Variants in KIF14 observed in about 807,000 individuals in gnomAD.
KIF14 encodes the protein kinesin-like protein KIF14.
A neutral mutation model predicts 176.2 loss-of-function variants in KIF14; 98 were observed. That is an observed-to-expected ratio of 0.56 (90% CI 0.47 to 0.66). The LOEUF is 0.66. Among genes scored for constraint, KIF14 ranks in the 30% least tolerant of loss-of-function variants. The pLI is 0.00. For synonymous variants in KIF14, 566 were observed against 632.2 expected (o/e 0.90, Z 1.57); for missense variants, 1,751 against 1,920.4 (o/e 0.91, Z 1.65).
rs377356294 is a variant in KIF14 at position 200,600,552 on chromosome 1, A to G, written c.2153-49T>C. ...TTAATAATAACATTTAATATATAACAATTTCCACAGTAAGCATAATCCTCC... is the reference window on the plus strand; with the variant it reads ...TTAATAATAACATTTAATATATAACGATTTCCACAGTAAGCATAATCCTCC... On this transcript the variant is annotated intron_variant, in intron 11 of 29. Coordinates refer to ENST00000367350, the MANE Select transcript of KIF14 (RefSeq NM_014875.3). 2.3e-6 allele frequency: 3 copies of G among 1,302,076 alleles called. No individual in the cohort carries two copies. The African/African-American group carries it at 4.4e-5, about 19-fold the overall frequency. The allele number at this position is 1,302,076 out of a possible 1,614,324, so 80.7% of individuals were successfully genotyped here.
intron 27 of KIF14, among the ~76,000 whole-genome samples, chr1:200,556,976 C>A (rs1464454114): frequency 6.6e-6 from 1 of 152,068 alleles, no homozygotes; most frequent in Non-Finnish European, 1.5e-5. Flanking sequence ...AATTTAGTAA[C>A]AATGTGTTTT....
chr1:200,560,395 C>T (rs1042589153), intron 26 of KIF14, among the ~76,000 whole-genome samples: 5 of 152,132 alleles, frequency 3.3e-5, no homozygotes, highest in African/African-American at 1.2e-4. Flanking sequence ...CCTCAGCCTC[C>T]TGAGTAGCTG....
rs552946210 is a variant in KIF14, at chr1:200,556,198, T to C, written c.4354-744A>G. Reference sequence around the variant, plus strand: ...TTTTATTCTATCCAATGCTGCCCCCTAAGGTGCTTTCCTGCTCAATTTCTG... The same window carrying C: ...TTTTATTCTATCCAATGCTGCCCCCCAAGGTGCTTTCCTGCTCAATTTCTG... On this transcript the variant is annotated intron_variant, in intron 27 of 29. Transcript: ENST00000367350. Among the ~76,000 whole-genome samples, 3 of 152,266 alleles carry C rather than the reference T, an allele frequency of 2.0e-5. No individual in the cohort carries two copies. In the East Asian group the frequency reaches 5.8e-4, roughly 29 times the overall value.
chr1:200,573,952 A>G (rs1480510167), intron 22 of KIF14, among the ~76,000 whole-genome samples: 1 of 152,212 alleles, frequency 6.6e-6, no homozygotes, highest in Non-Finnish European at 1.5e-5. Flanking sequence ...CATAGCAGTT[A>G]AGAAAATCAG....
At chr1:200,610,796 GA>G (rs1337765885) in intron 4 of KIF14, among the ~76,000 whole-genome samples, 2 of 152,032 alleles carry the variant, frequency 1.3e-5, no homozygotes, top group Non-Finnish European at 2.9e-5. Flanking sequence ...TGACTAATCA[GA>G]AAAGGGAAAA....
At position 200,565,596 on chromosome 1, in the gene KIF14, C is replaced by A. The variant is rs537496899; in HGVS notation, c.3735G>T (p.Leu1245Phe). 1.2e-6 allele frequency: 2 copies of A among 1,612,018 alleles called. No individual in the cohort carries two copies. The highest frequency in any genetic ancestry group is 2.2e-5 in the South Asian group (2 of 90,500). The change falls in exon 24 of 30, where the codon TTG becomes TTT. Residue 1245 changes from leucine (L) to phenylalanine (F), a missense_variant. Transcript: ENST00000367350. ...CAAAAAAATCTAACGAAGAACCAAT[C>A]AATTCTTTGCAAATTCCAGGAAGAA... The part of the protein sequence containing the change: ...ESFLPGICKE[L>F]IGSSLDFFGQ...
chr1:200,571,801 C>T (rs1018541363), intron 22 of KIF14, among the ~76,000 whole-genome samples: 1 of 152,134 alleles, frequency 6.6e-6, no homozygotes, highest in Non-Finnish European at 1.5e-5. Context: ...ATTATTACAG[C>T]AAGTCTAAAC....
chr1:200,574,180 G>C (rs1255738322), intron 22 of KIF14, among the ~76,000 whole-genome samples: 1 of 152,180 alleles, frequency 6.6e-6, no homozygotes, highest in East Asian at 1.9e-4. Flanking sequence ...TGATGCTTCT[G>C]CTGACAGATA....
intron 21 of KIF14, among the ~76,000 whole-genome samples, chr1:200,577,497 T>C (rs946158633): frequency 6.6e-6 from 1 of 151,964 alleles, no homozygotes; most frequent in African/African-American, 2.4e-5. Flanking sequence ...GCTGTGTTGA[T>C]ATTAAGATTG....
chr1:200,554,488 A>C lies in KIF14; in HGVS notation c.4547T>G (p.Ile1516Ser), dbSNP rs1420141194. Residue 1516 changes from isoleucine (I) to serine (S), a missense_variant, in exon 29 of 30, where the codon ATT becomes AGT. Transcript: ENST00000367350. ...CATACCTTTCAGTGCAGAAATAATA[A>C]TTTCAATAGCTTTCTCTAAGCAATG... is the stretch of plus-strand genomic sequence containing the variant. ...LKHCLEKAIE[I>S]IISALKGCHS... The C allele has an allele frequency of 6.5e-7, 1 of 1,533,108 alleles. No individual in the cohort carries two copies. Among genetic ancestry groups the C allele is most frequent in the Admixed American group, 1.7e-5 (1 of 57,990 alleles). 95.0% of individuals were successfully genotyped at this position (1,533,108 alleles called of 1,614,324 possible).
rs577527040 is a variant in KIF14 at position 200,567,159 on chromosome 1, G to A, written c.3662-1490C>T. On this transcript the variant is annotated intron_variant, in intron 23 of 29. Coordinates refer to ENST00000367350, the MANE Select transcript of KIF14 (RefSeq NM_014875.3). ...GCACTCCAGCCTGGGCAAAAAGAGCGAAACTCTGTCCTCAAAAAAAAAAAA... is the reference window on the plus strand; with the variant it reads ...GCACTCCAGCCTGGGCAAAAAGAGCAAAACTCTGTCCTCAAAAAAAAAAAA... 2.3e-4 allele frequency among the ~76,000 whole-genome samples: 33 copies of A among 141,792 alleles called. No individual in the cohort carries two copies. In the South Asian group the frequency reaches 6.4e-3, roughly 27 times the overall value. The allele number at this position is 141,792 out of a possible 152,430, so 93.0% of individuals were successfully genotyped here.
chr1:200,581,358 C>T, intron 19 of KIF14, 64 bp from the exon 20 acceptor site: 1 of 765,786 alleles, frequency 1.3e-6, no homozygotes, highest in South Asian at 2.2e-5. Flanking sequence ...TACCATTAGG[C>T]AAAACAATTC....
intron 22 of KIF14, among the ~76,000 whole-genome samples, chr1:200,571,399 G>A (rs1657783370): frequency 1.3e-5 from 2 of 150,098 alleles, no homozygotes; most frequent in Admixed American, 1.3e-4. Context: ...CTTTCTGTTT[G>A]CTTCTTAAAA....
chr1:200,613,292 T>C (rs1292025419), intron 4 of KIF14, among the ~76,000 whole-genome samples: 1 of 152,176 alleles, frequency 6.6e-6, no homozygotes, highest in African/African-American at 2.4e-5. Flanking sequence ...CTTTCAAATC[T>C]TGGTACATGC....
intron 14 of KIF14, among the ~76,000 whole-genome samples, chr1:200,595,083 C>T (rs764821146): frequency 8.5e-5 from 13 of 152,172 alleles, no homozygotes; most frequent in Non-Finnish European, 1.5e-4. Flanking sequence ...CATATGAATA[C>T]TCTGAATTTG....
chr1:200,602,078 A>T lies in KIF14; in HGVS notation c.1980-10T>A. On this transcript the variant is annotated splice_polypyrimidine_tract_variant and intron_variant, in intron 10 of 29. Transcript: ENST00000367350. The stretch of plus-strand genomic sequence containing the variant: ...ACTTTCTTTTAACAGCCTACAAGAA[A>T]AAAAGTCATAAGACTTTGCTTCTAC... 1.2e-6 allele frequency: 2 copies of T among 1,607,042 alleles called. No individual in the cohort carries two copies. The highest frequency in any genetic ancestry group is 2.7e-5 in the African/African-American group (2 of 74,664).
rs1227496137 is a variant in KIF14 at position 200,570,001 on chromosome 1, T to A, written c.3571A>T (p.Arg1191Trp). The A allele has an allele frequency of 6.4e-7, 1 of 1,573,336 alleles. No individual in the cohort carries two copies. The highest frequency in any genetic ancestry group is 8.7e-7 in the Non-Finnish European group (1 of 1,149,580). ...PVSSLSRRRS[R>W]SLMKNRRISG... Reference sequence around the variant, plus strand: ...ATTCTTCTGTTCTTCATCAAACTCCTACTCCTGAAAAAAGACAAACCATAA... The same window carrying A: ...ATTCTTCTGTTCTTCATCAAACTCCAACTCCTGAAAAAAGACAAACCATAA... Residue 1191 changes from arginine to tryptophan, a missense_variant, in exon 23 of 30, where the codon AGG becomes TGG. Transcript: ENST00000367350.
rs144251107 is a variant in KIF14 at position 200,592,448 on chromosome 1, T to C, written c.2653-208A>G. On this transcript the variant is annotated intron_variant, in intron 15 of 29. Transcript: ENST00000367350. Reference sequence around the variant, plus strand: ...TGGAGTGCAATGGCACAATCTCAGCTCACTGCAACCTCGGCCTCACGGGTT... The same window carrying C: ...TGGAGTGCAATGGCACAATCTCAGCCCACTGCAACCTCGGCCTCACGGGTT... Among the ~76,000 whole-genome samples, 2,150 of 152,270 alleles carry C rather than the reference T, an allele frequency of 0.014. 114 individuals carry two copies. The East Asian group carries it at 0.14, about 10-fold the overall frequency.
intron 26 of KIF14, among the ~76,000 whole-genome samples, chr1:200,559,701 A>T (rs1056282832): frequency 2.6e-5 from 4 of 152,198 alleles, no homozygotes; most frequent in East Asian, 1.9e-4. Context: ...ACATATTGCA[A>T]AGAATGTTTA....
Sources: gnomAD v4.1 joint callset for allele counts (sites outside exome capture counted in the v4.1 genomes callset) on GRCh38, gnomAD v4.1.1 for gene constraint, MANE v1.5 for transcripts, NCBI Gene and HGNC (gene_info 2026-07-23, HGNC 2026-07-21) for gene names.